The following DGKB variants were observed in gnomAD, a reference collection of about 807,000 sequenced individuals.
DGKB encodes the protein 90 kDa diacylglycerol kinase.
In DGKB, 67 loss-of-function variants were observed where a neutral mutation model predicts 114.3. The ratio of observed to expected loss-of-function variants is 0.59; its 90% CI spans 0.48 to 0.72. The LOEUF is 0.72. DGKB is among the 30% of genes least tolerant of loss of function. The pLI is 0.00. For synonymous variants in DGKB, 398 were observed against 323.1 expected (o/e 1.23, Z -2.49); for missense variants, 907 against 975.2 (o/e 0.93, Z 0.93).
At chr7:14,894,834 C>A (rs1041358261) in intron 1 of DGKB, among the ~76,000 whole-genome samples, 2 of 151,448 alleles carry the variant, frequency 1.3e-5, no homozygotes, top group Non-Finnish European at 3.0e-5. Flanking sequence ...GCCAGACACC[C>A]AAAACAACAG....
chr7:14,723,204 C>A lies in DGKB; in HGVS notation c.323-4519G>T, dbSNP rs191080731. Among the ~76,000 whole-genome samples the A allele has an allele frequency of 9.5e-4, 145 of 152,206 alleles. 1 individual carries two copies. The highest frequency in any genetic ancestry group is 3.3e-3 in the African/African-American group (138 of 41,542). On this transcript the variant is annotated intron_variant, in intron 5 of 25. Coordinates refer to ENST00000402815, the MANE Select transcript of DGKB (RefSeq NM_001350709.2). The stretch of plus-strand genomic sequence containing the variant: ...GGCAACCAAAAAGTTGCAAGCCTGA[C>A]TTCTTGACTACAGCTGAGATGGTAA...
chr7:14,635,079 C>T (rs988432088), intron 13 of DGKB, among the ~76,000 whole-genome samples: 1 of 151,412 alleles, frequency 6.6e-6, no homozygotes, highest in African/African-American at 2.4e-5. Context: ...ATTTTAAAAG[C>T]TACACATATT....
At chr7:14,634,874 A>G (rs764336503) in intron 13 of DGKB, among the ~76,000 whole-genome samples, 66 of 151,620 alleles carry the variant, frequency 4.4e-4, no homozygotes, top group Non-Finnish European at 1.5e-4. Context: ...ACTCACACAT[A>G]TGAATACAAT....
chr7:14,562,393 T>C (rs941908048), intron 20 of DGKB, among the ~76,000 whole-genome samples: 12 of 152,126 alleles, frequency 7.9e-5, no homozygotes, highest in African/African-American at 2.7e-4. Flanking sequence ...AGTGGAGCTG[T>C]GAGAAGAGGG....
chr7:14,722,333 G>A (rs1425236503), intron 5 of DGKB, among the ~76,000 whole-genome samples: 2 of 152,088 alleles, frequency 1.3e-5, no homozygotes, highest in East Asian at 3.9e-4. Flanking sequence ...GTGTCATAGA[G>A]CTGAAATCAT....
intron 2 of DGKB, among the ~76,000 whole-genome samples, chr7:14,813,762 C>T (rs866419129): frequency 2.6e-5 from 4 of 151,934 alleles, no homozygotes; most frequent in Non-Finnish European, 2.9e-5. Context: ...GAATCTTTTA[C>T]TCTAGTGATT....
At chr7:14,499,020 T>C (rs1785719852) in intron 20 of DGKB, among the ~76,000 whole-genome samples, 1 of 151,750 alleles carries the variant, frequency 6.6e-6, no homozygotes, top group African/African-American at 2.4e-5. Context: ...TTTAGTCCTC[T>C]GAATTAAAAA....
intron 23 of DGKB, among the ~76,000 whole-genome samples, chr7:14,243,413 C>T (rs1793971559): frequency 6.6e-6 from 1 of 152,100 alleles, no homozygotes; most frequent in South Asian, 2.1e-4. Context: ...AATGCGGAGA[C>T]ATTAAAAAAT....
intron 20 of DGKB, among the ~76,000 whole-genome samples, chr7:14,571,276 G>C (rs985636547): frequency 2.3e-4 from 35 of 152,348 alleles, no homozygotes; most frequent in African/African-American, 8.2e-4. Flanking sequence ...AGTTCTATCA[G>C]AGTGGAATAA....
chr7:14,939,487 A>C (rs1287357601), intron 1 of DGKB, among the ~76,000 whole-genome samples: 1 of 152,166 alleles, frequency 6.6e-6, no homozygotes, highest in East Asian at 1.9e-4. Context: ...ACTCTTGGAA[A>C]TTGAGCACTC....
At chr7:14,273,823 T>G (rs1381103612) in intron 23 of DGKB, among the ~76,000 whole-genome samples, 1 of 152,180 alleles carries the variant, frequency 6.6e-6, no homozygotes, top group South Asian at 2.1e-4. Flanking sequence ...TAAAATTTAG[T>G]TCATATTGAG....
chr7:14,185,073 G>A (rs539112647), intron 23 of DGKB, among the ~76,000 whole-genome samples: 6 of 152,178 alleles, frequency 3.9e-5, no homozygotes, highest in African/African-American at 1.4e-4. Context: ...TCGGTAAAGA[G>A]GAAGTAAAAC....
At chr7:14,545,366 C>T (rs183301373) in intron 20 of DGKB, among the ~76,000 whole-genome samples, 1 of 152,172 alleles carries the variant, frequency 6.6e-6, no homozygotes, top group East Asian at 1.9e-4. Flanking sequence ...AGGTAAGAAT[C>T]CAATGAAGTT....
At chr7:14,887,393 A>T (rs1357357464) in intron 1 of DGKB, among the ~76,000 whole-genome samples, 1 of 151,770 alleles carries the variant, frequency 6.6e-6, no homozygotes, top group Non-Finnish European at 1.5e-5. Flanking sequence ...ATTACTCTGC[A>T]GATTTCTCTA....
In DGKB at chr7:14,583,139, T is replaced by C; in HGVS notation, c.1434-2A>G. 1 of 1,600,796 alleles carries C rather than the reference T, an allele frequency of 6.2e-7. No individual in the cohort carries two copies. The highest frequency in any genetic ancestry group is 1.3e-5 in the African/African-American group (1 of 74,592). ...GGAACATCACGGAAAAAGTTTAACCTGAAAAATAAGCATGTTATGGCACAT... is the reference window on the plus strand; with the variant it reads ...GGAACATCACGGAAAAAGTTTAACCCGAAAAATAAGCATGTTATGGCACAT... On this transcript the variant is annotated splice_acceptor_variant, in intron 17 of 25. Transcript: ENST00000402815. LOFTEE classifies it high-confidence loss of function.
At chr7:14,598,874 A>T (rs1047066316) in intron 17 of DGKB, among the ~76,000 whole-genome samples, 1 of 152,242 alleles carries the variant, frequency 6.6e-6, no homozygotes, top group Admixed American at 6.5e-5. Flanking sequence ...TGATTTGTCA[A>T]TATCTCCACA....
At chr7:14,161,850 CT>C (rs1783947019) in intron 25 of DGKB, among the ~76,000 whole-genome samples, 2 of 152,044 alleles carry the variant, frequency 1.3e-5, no homozygotes, top group African/African-American at 4.8e-5. Context: ...TTTTTTAAGT[CT>C]CCTCCAAAGA....
intron 2 of DGKB, among the ~76,000 whole-genome samples, chr7:14,820,174 G>T (rs1027257705): frequency 6.6e-6 from 1 of 151,380 alleles, no homozygotes; most frequent in Admixed American, 6.6e-5. Flanking sequence ...AGCCATACTT[G>T]GTCACCTTTT....
intron 21 of DGKB, among the ~76,000 whole-genome samples, chr7:14,371,120 C>A (rs1817564914): frequency 6.6e-6 from 1 of 152,126 alleles, no homozygotes; most frequent in African/African-American, 2.4e-5. Flanking sequence ...AATAGTGCTA[C>A]AACGAACATA....
Sources: allele counts gnomAD v4.1 joint callset (sites outside exome capture counted in the v4.1 genomes callset), GRCh38; gene constraint gnomAD v4.1.1; transcripts MANE v1.5; gene names NCBI Gene and HGNC (gene_info 2026-07-23, HGNC 2026-07-21).